The following STOX2 variants were observed in gnomAD, a reference collection of about 807,000 sequenced individuals.
STOX2 encodes the protein storkhead-box protein 2.
A neutral mutation model predicts 60.9 loss-of-function variants in STOX2; 28 were observed. The observed-to-expected ratio is 0.46, with a 90% CI of 0.34 to 0.63. STOX2 has a LOEUF of 0.63. Ranked by LOEUF, STOX2 falls within the 30% of genes least tolerant of loss-of-function variation. STOX2 has a pLI of 0.01. For missense variants in STOX2, 1,024 were observed against 1,187.7 expected (o/e 0.86, Z 2.03); for synonymous variants, 472 against 463.9 (o/e 1.02, Z -0.22).
intron 1 of STOX2, among the ~76,000 whole-genome samples, chr4:183,820,144 C>T (rs1047020888): frequency 1.3e-5 from 2 of 152,110 alleles, no homozygotes; most frequent in Non-Finnish European, 2.9e-5. Context: ...GGGCTGGTCT[C>T]GAACTCCTGA....
intron 1 of STOX2, among the ~76,000 whole-genome samples, chr4:183,799,002 A>G (rs1443777329): frequency 2.7e-5 from 4 of 146,378 alleles, no homozygotes; most frequent in African/African-American, 9.9e-5. Context: ...TTCTTTCTTG[A>G]CATTTTGGGA....
At chr4:183,992,185 C>T (rs569559916) in intron 1 of STOX2, among the ~76,000 whole-genome samples, 4 of 152,102 alleles carry the variant, frequency 2.6e-5, no homozygotes, top group South Asian at 2.1e-4. Context: ...AGCAGTCAAT[C>T]GGTACAATTT....
intron 1 of STOX2, among the ~76,000 whole-genome samples, chr4:183,948,035 G>A (rs746031451): frequency 2.3e-4 from 35 of 151,902 alleles, no homozygotes; most frequent in Middle Eastern, 3.2e-3. Context: ...TGGCCAACAT[G>A]GTGAAACCCT....
At chr4:183,808,139 A>T (rs1046511402) in intron 1 of STOX2, among the ~76,000 whole-genome samples, 1 of 152,066 alleles carries the variant, frequency 6.6e-6, no homozygotes, top group African/African-American at 2.4e-5. Context: ...ACTCTCCTGG[A>T]CTCTTCCTGA....
intron 1 of STOX2, among the ~76,000 whole-genome samples, chr4:183,991,233 G>A (rs1733091739): frequency 6.6e-6 from 1 of 152,092 alleles, no homozygotes; most frequent in Non-Finnish European, 1.5e-5. Context: ...AATGCTATGT[G>A]TTCTATATAT....
chr4:183,831,018 G>T (rs539950626), intron 1 of STOX2, among the ~76,000 whole-genome samples: 1 of 151,866 alleles, frequency 6.6e-6, no homozygotes, highest in South Asian at 2.1e-4. Flanking sequence ...TGGGATTCTG[G>T]GTTAGTCCTC....
chr4:183,814,427 C>A (rs1739104481), intron 1 of STOX2, among the ~76,000 whole-genome samples: 1 of 152,122 alleles, frequency 6.6e-6, no homozygotes, highest in Non-Finnish European at 1.5e-5. Flanking sequence ...TTATAAATGG[C>A]TCTTGGTTTG....
intron 1 of STOX2, among the ~76,000 whole-genome samples, chr4:183,951,798 C>G (rs879383290): frequency 6.6e-6 from 1 of 152,040 alleles, no homozygotes; most frequent in Non-Finnish European, 1.5e-5. Context: ...AAAAAATTAG[C>G]TGGGCGTGGT....
At chr4:183,954,481 G>A (rs1454603066) in intron 1 of STOX2, among the ~76,000 whole-genome samples, 1 of 151,710 alleles carries the variant, frequency 6.6e-6, no homozygotes, top group Non-Finnish European at 1.5e-5. Context: ...GTAGAGACGG[G>A]GTTTCACCAT....
rs1733582245 is a variant in STOX2, at chr4:184,001,316, T to G, written c.167-9T>G. On this transcript the variant is annotated splice_polypyrimidine_tract_variant and intron_variant, in intron 1 of 3. Transcript: ENST00000308497. This position sits in a 1 kb window ranked among gnomAD's most constrained non-coding sequence, Gnocchi z 4.2. Reference sequence around the variant, plus strand: ...ATGAACCACTCACTTGAAAATTGTCTTTCTGCAGGTGATGTATCACCCATC... The same window carrying G: ...ATGAACCACTCACTTGAAAATTGTCGTTCTGCAGGTGATGTATCACCCATC... 6.2e-7 allele frequency: 1 copy of G among 1,613,120 alleles called. No homozygotes were observed. The highest frequency in any genetic ancestry group is 1.1e-5 in the South Asian group (1 of 91,008).
intron 1 of STOX2, among the ~76,000 whole-genome samples, chr4:183,931,517 A>G (rs950861146): frequency 2.6e-5 from 4 of 152,202 alleles, no homozygotes; most frequent in African/African-American, 9.6e-5. Flanking sequence ...TCTATATGCA[A>G]GCAATATATT....
intron 1 of STOX2, among the ~76,000 whole-genome samples, chr4:183,799,119 G>T (rs541596515): frequency 1.2e-4 from 19 of 152,240 alleles, no homozygotes; most frequent in Non-Finnish European, 2.6e-4. Context: ...CTGATGTGAC[G>T]CCATCTATGC....
At chr4:183,963,181 C>G (rs1463469015) in intron 1 of STOX2, among the ~76,000 whole-genome samples, 1 of 152,122 alleles carries the variant, frequency 6.6e-6, no homozygotes, top group Non-Finnish European at 1.5e-5. Flanking sequence ...ATACACCTGG[C>G]TCTTTACTGA....
In STOX2 at chr4:183,836,138, G is replaced by T. The variant is rs1010323102; in HGVS notation, c.364+38083G>T. On this transcript the variant is annotated intron_variant, in intron 1 of 2. Coordinates refer to the STOX2 transcript ENST00000513034. The surrounding 1 kb of genome is among the most constrained non-coding windows in gnomAD (Gnocchi z 4.1). ...CTAATGATGTTGAACGTCTTTTCATGTGCTTTTTGGCTGTTTATCATAGCC... is the reference window on the plus strand; with the variant it reads ...CTAATGATGTTGAACGTCTTTTCATTTGCTTTTTGGCTGTTTATCATAGCC... 3.3e-5 allele frequency among the ~76,000 whole-genome samples: 5 copies of T among 152,080 alleles called. No homozygotes were observed. The highest frequency in any genetic ancestry group is 5.9e-5 in the Non-Finnish European group (4 of 68,014).
At chr4:183,853,832 C>G (rs1402503070) in intron 1 of STOX2, 1 of 152,156 alleles carries the variant, frequency 6.6e-6, no homozygotes, top group Admixed American at 6.5e-5. Context: ...AACCCAGGAC[C>G]CAGACTGGAG....
chr4:183,800,183 A>C (rs1738727780), intron 1 of STOX2, among the ~76,000 whole-genome samples: 1 of 29,482 alleles, frequency 3.4e-5, no homozygotes, highest in Non-Finnish European at 7.3e-5. Context: ...TATCTGCTGC[A>C]GGCTTCCTCA....
chr4:183,908,412 G>A (rs965892140), intron 1 of STOX2, among the ~76,000 whole-genome samples: 7 of 152,044 alleles, frequency 4.6e-5, no homozygotes, highest in Non-Finnish European at 8.8e-5. Flanking sequence ...ATAATCCTGG[G>A]TTTCATGTAC....
intron 1 of STOX2, among the ~76,000 whole-genome samples, chr4:183,843,271 T>A (rs1739911395): frequency 6.6e-6 from 1 of 151,918 alleles, no homozygotes; most frequent in Non-Finnish European, 1.5e-5. Context: ...GGGAGAAGAA[T>A]CTCAGAACCT....
chr4:183,802,344 TG>T (rs1738784552), intron 1 of STOX2, among the ~76,000 whole-genome samples: 1 of 152,226 alleles, frequency 6.6e-6, no homozygotes, highest in Non-Finnish European at 1.5e-5. Flanking sequence ...TTTCTTGAAG[TG>T]ATTTCCCCAA....
Sources: allele counts gnomAD v4.1 joint callset (sites outside exome capture counted in the v4.1 genomes callset), GRCh38; gene constraint gnomAD v4.1.1; non-coding constraint Gnocchi (gnomAD v3.1); transcripts MANE v1.5; gene names NCBI Gene and HGNC (gene_info 2026-07-23, HGNC 2026-07-21).